Variants in ZC2HC1B observed in about 807,000 individuals in gnomAD.
ZC2HC1B encodes zinc finger C2HC-type containing 1B, also known as zinc finger C2HC domain-containing protein 1B.
In ZC2HC1B, 36 loss-of-function variants were observed where a neutral mutation model predicts 31.0. That is an observed-to-expected ratio of 1.16 (90% CI 0.89 to 1.54). The LOEUF (loss-of-function observed/expected upper bound fraction) is 1.54, where lower values mean the gene tolerates loss of function less well. ZC2HC1B is among the 40% of genes most tolerant of loss of function. ZC2HC1B has a pLI of 0.00. For missense variants in ZC2HC1B, 260 were observed against 268.6 expected (o/e 0.97, Z 0.22); for synonymous variants, 73 against 88.0 (o/e 0.83, Z 0.95).
chr6:143,929,235 C>T (rs1778088990), intron 6 of ZC2HC1B, among the ~76,000 whole-genome samples: 1 of 152,118 alleles, frequency 6.6e-6, no homozygotes, highest in Non-Finnish European at 1.5e-5. Flanking sequence ...TTATACATGG[C>T]TTTTATTGTT....
At chr6:143,889,924 G>T (rs553860798) in intron 4 of ZC2HC1B, among the ~76,000 whole-genome samples, 1 of 152,078 alleles carries the variant, frequency 6.6e-6, no homozygotes, top group Non-Finnish European at 1.5e-5. Flanking sequence ...CACAAAGTAG[G>T]TCTCAAATTT....
In ZC2HC1B at chr6:143,884,555, G is replaced by A. The variant is rs770193395; in HGVS notation, c.90+190G>A. ...GATTGATGCTGCCTCATTCAAGAGCGACCCTATTAAACATGGTCCTCCTGA... is the reference window on the plus strand; with the variant it reads ...GATTGATGCTGCCTCATTCAAGAGCAACCCTATTAAACATGGTCCTCCTGA... On this transcript the variant is annotated intron_variant, in intron 2 of 7. Transcript: ENST00000237275. The surrounding 1 kb of genome is among the most constrained non-coding windows in gnomAD (Gnocchi z 5.1). Among the ~76,000 whole-genome samples, 3 of 152,258 alleles carry A rather than the reference G, an allele frequency of 2.0e-5. No individual in the cohort carries two copies. The highest frequency in any genetic ancestry group is 2.4e-5 in the African/African-American group (1 of 41,552).
chr6:143,886,858 T>C lies in ZC2HC1B; in HGVS notation c.349+37T>C. 2.7e-6 allele frequency: 4 copies of C among 1,460,004 alleles called. No homozygotes were observed. Among genetic ancestry groups the C allele is most frequent in the Non-Finnish European group, 2.7e-6 (3 of 1,104,462 alleles). The allele number at this position is 1,460,004 out of a possible 1,614,324, so 90.4% of individuals were successfully genotyped here. A position where few individuals can be genotyped will look rare whatever the true frequency, so the allele number is the denominator to read the frequency against. ...TTTTGGGTTGCTTTTGAGGCTATGC[T>C]TGACTTTTGACCAAATCATCATGCC... On this transcript the variant is annotated intron_variant, in intron 4 of 7. Coordinates refer to ENST00000237275, the MANE Select transcript of ZC2HC1B (RefSeq NM_001013623.3). The surrounding 1 kb of genome is among the most constrained non-coding windows in gnomAD (Gnocchi z 4.2).
chr6:143,886,014 C>G lies in ZC2HC1B; in HGVS notation c.91-18C>G, dbSNP rs1191749252. 2 of 1,510,552 alleles carry G rather than the reference C, an allele frequency of 1.3e-6. No individual in the cohort carries two copies. Among genetic ancestry groups the G allele is most frequent in the South Asian group, 1.3e-5 (1 of 76,116 alleles). The allele number at this position is 1,510,552 out of a possible 1,614,324, so 93.6% of individuals were successfully genotyped here. On this transcript the variant is annotated intron_variant, in intron 2 of 7. Transcript: ENST00000237275. This position sits in a 1 kb window ranked among gnomAD's most constrained non-coding sequence, Gnocchi z 4.2. ...TTGTGCACTTTAGAAATTCCAATCC[C>G]TACTCTTCGTTTTCTAGGAAAGGCA...
At chr6:143,937,609 C>T in intron 6 of ZC2HC1B, 40 bp from the exon 7 acceptor site, 5 of 1,468,082 alleles carry the variant, frequency 3.4e-6, no homozygotes, top group South Asian at 2.7e-5. Context: ...TGGTAATGTT[C>T]TGCTTTGACA....
chr6:143,880,332 G>T (rs1777453348), intron 1 of ZC2HC1B, among the ~76,000 whole-genome samples: 1 of 152,044 alleles, frequency 6.6e-6, no homozygotes, highest in South Asian at 2.1e-4. Context: ...CTTCCAAAGG[G>T]TTTCTTTTTA....
At chr6:143,930,381 CT>C (rs34308015) in intron 6 of ZC2HC1B, among the ~76,000 whole-genome samples, 35,473 of 111,680 alleles carry the variant, frequency 0.32, 5,329 homozygotes, top group East Asian at 0.49. Context: ...TTGAGAGTTT[CT>C]TTTTTTTTTT....
chr6:143,922,549 C>T lies in ZC2HC1B; in HGVS notation c.599-15100C>T, dbSNP rs956243111. On this transcript the variant is annotated intron_variant, in intron 6 of 7. Coordinates refer to ENST00000237275, the MANE Select transcript of ZC2HC1B (RefSeq NM_001013623.3). This position sits in a 1 kb window ranked among gnomAD's most constrained non-coding sequence, Gnocchi z 5.0. ...ACATCACTGAAATCAACTTTTTTAGCTCCCACATATGAATGAGAACATGTG... is the reference window on the plus strand; with the variant it reads ...ACATCACTGAAATCAACTTTTTTAGTTCCCACATATGAATGAGAACATGTG... 2.0e-5 allele frequency among the ~76,000 whole-genome samples: 3 copies of T among 152,184 alleles called. No individual in the cohort carries two copies. Among genetic ancestry groups the T allele is most frequent in the Non-Finnish European group, 2.9e-5 (2 of 68,026 alleles).
chr6:143,866,075 A>C (rs1777258097), intron 1 of ZC2HC1B, among the ~76,000 whole-genome samples: 1 of 152,198 alleles, frequency 6.6e-6, no homozygotes, highest in Non-Finnish European at 1.5e-5. Context: ...TCGGCCTCCC[A>C]AAGTGCTGGG....
intron 4 of ZC2HC1B, among the ~76,000 whole-genome samples, chr6:143,891,686 T>A (rs558253779): frequency 7.3e-6 from 1 of 137,506 alleles, no homozygotes. Flanking sequence ...AGAGCGAAAC[T>A]CTGTCTCAAA....
At chr6:143,916,804 C>G (rs555065143) in intron 6 of ZC2HC1B, among the ~76,000 whole-genome samples, 1 of 152,200 alleles carries the variant, frequency 6.6e-6, no homozygotes, top group African/African-American at 2.4e-5. Flanking sequence ...ACCTGTACCC[C>G]CATTGTATCT....
intron 1 of ZC2HC1B, among the ~76,000 whole-genome samples, chr6:143,882,317 T>G: frequency 8.2e-6 from 1 of 121,694 alleles, no homozygotes; most frequent in Non-Finnish European, 1.7e-5. Context: ...AAAATATGTA[T>G]ACATATTTTA....
rs1028558067 is a variant in ZC2HC1B, at chr6:143,903,872, AT to A, written c.598+726del. On this transcript the variant is annotated intron_variant, in intron 6 of 7. Transcript: ENST00000237275. The surrounding 1 kb of genome is among the most constrained non-coding windows in gnomAD (Gnocchi z 4.3). ...TATGCTATATTAAAATTGTTGTATT[AT>A]TTTTTATTATTGGTACACTTGGGTT... Among the ~76,000 whole-genome samples the A allele has an allele frequency of 6.6e-6, 1 of 152,160 alleles. No homozygotes were observed. The highest frequency in any genetic ancestry group is 1.5e-5 in the Non-Finnish European group (1 of 68,032).
At chr6:143,932,988 G>A (rs893960933) in intron 6 of ZC2HC1B, among the ~76,000 whole-genome samples, 3 of 152,176 alleles carry the variant, frequency 2.0e-5, no homozygotes, top group African/African-American at 7.2e-5. Context: ...GTCCTGTGAT[G>A]CAATTTGTCT....
intron 6 of ZC2HC1B, among the ~76,000 whole-genome samples, chr6:143,909,195 T>C (rs988905171): frequency 1.3e-5 from 2 of 152,188 alleles, no homozygotes; most frequent in Admixed American, 1.3e-4. Flanking sequence ...GATTTTTGCA[T>C]TGATGTTCAT....
chr6:143,936,383 AG>A (rs1778178720), intron 6 of ZC2HC1B, among the ~76,000 whole-genome samples: 2 of 152,366 alleles, frequency 1.3e-5, no homozygotes, highest in South Asian at 4.1e-4. Flanking sequence ...GCTATTTAAT[AG>A]GAAGGAGCAG....
intron 6 of ZC2HC1B, among the ~76,000 whole-genome samples, chr6:143,916,440 G>T (rs911420890): frequency 1.3e-5 from 2 of 152,230 alleles, no homozygotes; most frequent in African/African-American, 2.4e-5. Flanking sequence ...CCCTACTGGG[G>T]CACCGTCTAG....
intron 5 of ZC2HC1B, 50 bp downstream of exon 5, chr6:143,898,741 G>T: frequency 6.5e-7 from 1 of 1,546,918 alleles, no homozygotes; most frequent in Non-Finnish European, 8.7e-7. Context: ...AATGCCTAGG[G>T]GTGAGCCGGT....
rs568367507 is a variant in ZC2HC1B at position 143,904,142 on chromosome 6, G to GA, written c.598+996dup. Among the ~76,000 whole-genome samples the GA allele has an allele frequency of 4.6e-5, 7 of 152,196 alleles. No homozygotes were observed. The South Asian group carries it at 1.5e-3, about 32-fold the overall frequency. ...TATTGGTCATTTGTATATATTCTTTGAAAAAATGTCTGCTCAAGTCCTTTG... is the reference window on the plus strand; with the variant it reads ...TATTGGTCATTTGTATATATTCTTTGAAAAAAATGTCTGCTCAAGTCCTTTG... On this transcript the variant is annotated intron_variant, in intron 6 of 7. Coordinates refer to ENST00000237275, the MANE Select transcript of ZC2HC1B (RefSeq NM_001013623.3).
Sources: allele counts gnomAD v4.1 joint callset (sites outside exome capture counted in the v4.1 genomes callset), GRCh38; gene constraint gnomAD v4.1.1; non-coding constraint Gnocchi (gnomAD v3.1); transcripts MANE v1.5; gene names NCBI Gene and HGNC (gene_info 2026-07-23, HGNC 2026-07-21).